LRRTM4: variants seen among roughly 807,000 people sequenced by gnomAD.
The protein encoded by LRRTM4 is leucine rich repeat transmembrane neuronal 4, also known as leucine-rich repeat transmembrane neuronal protein 4.
In LRRTM4, 25 loss-of-function variants were observed where a neutral mutation model predicts 47.6. The ratio of observed to expected loss-of-function variants is 0.53; its 90% CI spans 0.38 to 0.73. The LOEUF (loss-of-function observed/expected upper bound fraction) is 0.73. LRRTM4 is among the 30% of genes least tolerant of loss of function. The pLI is 0.00. For missense variants in LRRTM4, 638 were observed against 713.4 expected (o/e 0.89, Z 1.20); for synonymous variants, 311 against 269.5 (o/e 1.15, Z -1.51).
intron 3 of LRRTM4, among the ~76,000 whole-genome samples, chr2:77,192,485 T>C (rs1673697078): frequency 2.0e-5 from 3 of 152,136 alleles, no homozygotes; most frequent in Admixed American, 6.5e-5. Context: ...AAAATAGCAG[T>C]GTGATAGTTG....
intron 3 of LRRTM4, among the ~76,000 whole-genome samples, chr2:77,168,291 G>T (rs1158587429): frequency 6.6e-6 from 1 of 151,456 alleles, no homozygotes; most frequent in Non-Finnish European, 1.5e-5. Flanking sequence ...ACATATTTTA[G>T]AAAATATTTT....
chr2:77,207,145 T>C (rs1417140738), intron 3 of LRRTM4, among the ~76,000 whole-genome samples: 2 of 128,992 alleles, frequency 1.6e-5, no homozygotes, highest in Admixed American at 1.5e-4. Flanking sequence ...TTTATATTTA[T>C]ATATATATAT....
chr2:76,941,867 A>G (rs1217323202), intron 3 of LRRTM4, among the ~76,000 whole-genome samples: 2 of 152,208 alleles, frequency 1.3e-5, no homozygotes, highest in African/African-American at 4.8e-5. Flanking sequence ...TTCTGTTTCT[A>G]GATCCTTGAG....
intron 3 of LRRTM4, among the ~76,000 whole-genome samples, chr2:76,769,765 C>A (rs1377680693): frequency 6.6e-6 from 1 of 152,014 alleles, no homozygotes; most frequent in Non-Finnish European, 1.5e-5. Context: ...CTTTACAGAT[C>A]AGTTGTTTCA....
At chr2:77,168,224 C>G (rs892850460) in intron 3 of LRRTM4, among the ~76,000 whole-genome samples, 4 of 151,996 alleles carry the variant, frequency 2.6e-5, no homozygotes, top group Non-Finnish European at 5.9e-5. Flanking sequence ...TTCTAGAACT[C>G]AAAGTATACA....
intron 3 of LRRTM4, among the ~76,000 whole-genome samples, chr2:77,191,642 A>T (rs1277186631): frequency 6.6e-6 from 1 of 151,938 alleles, no homozygotes; most frequent in Non-Finnish European, 1.5e-5. Context: ...AGAATATGTA[A>T]AAAATGAAAA....
intron 3 of LRRTM4, among the ~76,000 whole-genome samples, chr2:77,422,157 G>T (rs542900026): frequency 5.3e-5 from 8 of 152,294 alleles, no homozygotes; most frequent in African/African-American, 1.9e-4. Flanking sequence ...GCATTTCTCA[G>T]AATGGATCCT....
intron 3 of LRRTM4, among the ~76,000 whole-genome samples, chr2:76,865,908 T>G (rs143378190): frequency 1.3e-4 from 20 of 152,148 alleles, no homozygotes; most frequent in African/African-American, 4.1e-4. Flanking sequence ...CTTTACATTA[T>G]GAAAAATGTT....
chr2:76,930,626 T>C (rs546790009), intron 3 of LRRTM4, among the ~76,000 whole-genome samples: 7 of 152,188 alleles, frequency 4.6e-5, no homozygotes, highest in African/African-American at 1.7e-4. Flanking sequence ...TTGTGTGACA[T>C]ATGGAGTGCT....
intron 3 of LRRTM4, among the ~76,000 whole-genome samples, chr2:77,067,280 C>CGGA (rs750338888): frequency 7.3e-4 from 111 of 152,022 alleles, no homozygotes; most frequent in Middle Eastern, 3.4e-3. Context: ...ATCCTGAAAA[C>CGGA]TAAAGGAATT....
chr2:77,137,233 G>A (rs940073899), intron 3 of LRRTM4, among the ~76,000 whole-genome samples: 1 of 151,838 alleles, frequency 6.6e-6, no homozygotes, highest in Non-Finnish European at 1.5e-5. Context: ...AAGAAAGCTT[G>A]GGTTATCCAC....
chr2:77,207,314 G>T (rs1674155984), intron 3 of LRRTM4, among the ~76,000 whole-genome samples: 1 of 137,110 alleles, frequency 7.3e-6, no homozygotes, highest in African/African-American at 2.9e-5. Context: ...ATATACACAT[G>T]TATGTGTTTA....
intron 3 of LRRTM4, among the ~76,000 whole-genome samples, chr2:77,359,157 C>T (rs72915966): frequency 0.013 from 1,924 of 152,206 alleles, 31 homozygotes; most frequent in African/African-American, 0.043. Context: ...GATTTTCACA[C>T]CTAACATCAG....
At chr2:77,233,224 G>GA (rs1310186754) in intron 3 of LRRTM4, among the ~76,000 whole-genome samples, 2 of 152,156 alleles carry the variant, frequency 1.3e-5, no homozygotes, top group Non-Finnish European at 2.9e-5. Context: ...AAGTGTTTTA[G>GA]AAAGTTAAAA....
At chr2:77,377,545 G>T (rs1382657254) in intron 3 of LRRTM4, among the ~76,000 whole-genome samples, 2 of 151,776 alleles carry the variant, frequency 1.3e-5, no homozygotes, top group Non-Finnish European at 1.5e-5. Context: ...TGTCAACTGT[G>T]GCATCTTTTC....
At chr2:76,976,549 T>C (rs1676424673) in intron 3 of LRRTM4, among the ~76,000 whole-genome samples, 1 of 151,836 alleles carries the variant, frequency 6.6e-6, no homozygotes, top group South Asian at 2.1e-4. Context: ...TTAGCTCTCC[T>C]TACAATGTTT....
chr2:77,123,776 A>G (rs1401627424), intron 3 of LRRTM4, among the ~76,000 whole-genome samples: 2 of 152,082 alleles, frequency 1.3e-5, no homozygotes, highest in African/African-American at 4.8e-5. Flanking sequence ...TGACATATAC[A>G]CTAGTATTCC....
At chr2:76,949,102 A>G (rs937786971) in intron 3 of LRRTM4, among the ~76,000 whole-genome samples, 3 of 137,800 alleles carry the variant, frequency 2.2e-5, no homozygotes, top group Non-Finnish European at 4.6e-5. Flanking sequence ...GAAAATAAAG[A>G]GTGCTTTAGC....
At chr2:77,411,420 G>GTT (rs1329925413) in intron 3 of LRRTM4, among the ~76,000 whole-genome samples, 12 of 120,332 alleles carry the variant, frequency 1.0e-4, no homozygotes, top group Non-Finnish European at 1.9e-4. Flanking sequence ...TCTCTTTCTT[G>GTT]TTTCTCTCTC....
Sources: allele counts gnomAD v4.1 joint callset (sites outside exome capture counted in the v4.1 genomes callset), GRCh38; gene constraint gnomAD v4.1.1; transcripts MANE v1.5; gene names NCBI Gene and HGNC (gene_info 2026-07-23, HGNC 2026-07-21).